Variants in COTL1 observed in about 807,000 individuals in gnomAD.
COTL1 encodes coactosin like F-actin binding protein 1.
A neutral mutation model predicts 16.5 loss-of-function variants in COTL1; 15 were observed. The ratio of observed to expected loss-of-function variants is 0.91; its 90% confidence interval spans 0.61 to 1.40. The LOEUF (loss-of-function observed/expected upper bound fraction) is 1.40. Among genes scored for constraint, COTL1 ranks in the 40% most tolerant of loss-of-function variants. The pLI is 0.00. For missense variants in COTL1, 220 were observed against 201.5 expected, an observed-to-expected ratio of 1.09 and a Z score of -0.56; for synonymous variants, 112 against 85.3, an observed-to-expected ratio of 1.31 and a Z score of -1.73.
intron 2 of COTL1, among the ~76,000 whole-genome samples, chr16:84,592,338 G>A (rs761066336): frequency 2.6e-5 from 4 of 152,154 alleles, no homozygotes; most frequent in Non-Finnish European, 5.9e-5. Flanking sequence ...ACATAGGGAT[G>A]CCACTGGTTT....
At chr16:84,615,540 C>T (rs921444453) in intron 2 of COTL1, among the ~76,000 whole-genome samples, 3 of 152,184 alleles carry the variant, frequency 2.0e-5, no homozygotes, top group African/African-American at 7.2e-5. Context: ...GGATGGGTGA[C>T]CAGCGGGAGG....
In COTL1 at chr16:84,590,439, G is replaced by A; in HGVS notation, c.161-177C>T. 1.7e-6 allele frequency: 1 copy of A among 591,002 alleles called. No individual in the cohort carries two copies. Among genetic ancestry groups the A allele is most frequent in the Non-Finnish European group, 2.9e-6 (1 of 349,476 alleles). 36.6% of individuals were successfully genotyped at this position (591,002 alleles called of 1,614,324 possible). A position where few individuals can be genotyped will look rare whatever the true frequency, so the allele number is the denominator to read the frequency against. On this transcript the variant is annotated intron_variant, in intron 2 of 3. Coordinates refer to ENST00000262428, the MANE Select transcript of COTL1 (RefSeq NM_021149.5). The surrounding 1 kb of genome is among the most constrained non-coding windows in gnomAD (Gnocchi z 5.5). ...AGGGAAGCACTCATCCGCTGCCCTT[G>A]TCACACTCCCCTGAATCCTGGCAAC...
At chr16:84,579,689 A>G (rs912334644) in intron 3 of COTL1, among the ~76,000 whole-genome samples, 1 of 152,208 alleles carries the variant, frequency 6.6e-6, no homozygotes, top group Non-Finnish European at 1.5e-5. Flanking sequence ...GACTTAGAAT[A>G]AAACCACCAC....
rs1451202303 is a variant in COTL1, at chr16:84,565,725, A to AT, written c.*1119dup. ...AGCAAGGAAAAACAGAAAAAGAGCT[A>AT]TATCAAATGTGCTCATGAAGAACCA... On this transcript the variant is annotated 3_prime_UTR_variant, in exon 4 of 4. Transcript: ENST00000262428. 1 of 152,654 alleles carries AT rather than the reference A, an allele frequency of 6.6e-6. No individual in the cohort carries two copies. 9.5% of individuals were successfully genotyped at this position (152,654 alleles called of 1,614,324 possible).
chr16:84,604,367 G>A (rs949831381), intron 2 of COTL1, among the ~76,000 whole-genome samples: 3 of 124,268 alleles, frequency 2.4e-5, no homozygotes, highest in Admixed American at 9.0e-5. Flanking sequence ...CTGTCCTCCT[G>A]CCCACCCAGG....
At chr16:84,573,728 G>A (rs542449026) in intron 3 of COTL1, among the ~76,000 whole-genome samples, 1 of 122,698 alleles carries the variant, frequency 8.2e-6, no homozygotes, top group Non-Finnish European at 1.8e-5. Context: ...TGACAAGAGC[G>A]AAACTCTGTC....
chr16:84,585,796 G>A (rs1159661065), intron 3 of COTL1, among the ~76,000 whole-genome samples: 1 of 152,202 alleles, frequency 6.6e-6, no homozygotes, highest in Non-Finnish European at 1.5e-5. Context: ...GTAAGGTCTT[G>A]TAGCAGCTTC....
chr16:84,579,548 A>G (rs1180760619), intron 3 of COTL1, among the ~76,000 whole-genome samples: 2 of 152,220 alleles, frequency 1.3e-5, no homozygotes, highest in East Asian at 3.8e-4. Flanking sequence ...GACACAGGCT[A>G]TATCTCTGCT....
chr16:84,595,822 T>C (rs1904989986), intron 2 of COTL1: 2 of 152,212 alleles, frequency 1.3e-5, no homozygotes, highest in East Asian at 3.8e-4. Context: ...TGTGTGTATA[T>C]ACATACATTT....
intron 2 of COTL1, 115 bp downstream of exon 2, chr16:84,617,386 C>G (rs1905517563): frequency 1.1e-6 from 1 of 924,634 alleles, no homozygotes; most frequent in Non-Finnish European, 1.7e-6. Context: ...ACGCCATGCG[C>G]CAGGGGCACC....
intron 1 of COTL1, 82 bp downstream of exon 1, chr16:84,617,756 T>C: frequency 1.4e-6 from 2 of 1,444,560 alleles, no homozygotes; most frequent in Non-Finnish European, 1.9e-6. Context: ...CCCGAATCCG[T>C]CCCGCCTGGA....
At chr16:84,573,740 C>CA (rs72401655) in intron 3 of COTL1, among the ~76,000 whole-genome samples, 59 of 104,168 alleles carry the variant, frequency 5.7e-4, no homozygotes, top group African/African-American at 1.8e-3. Flanking sequence ...AACTCTGTCT[C>CA]AAAAAAAAAA....
chr16:84,603,670 G>C (rs890889533), intron 2 of COTL1, among the ~76,000 whole-genome samples: 1 of 152,118 alleles, frequency 6.6e-6, no homozygotes. Flanking sequence ...GGAGGCAGTG[G>C]GGGAGCCGGG....
At chr16:84,586,015 T>C (rs1328239207) in intron 3 of COTL1, among the ~76,000 whole-genome samples, 1 of 152,028 alleles carries the variant, frequency 6.6e-6, no homozygotes, top group Non-Finnish European at 1.5e-5. Context: ...CCCAAAGGCG[T>C]GTGCACGTGA....
chr16:84,608,747 G>C (rs1025087452), intron 2 of COTL1, among the ~76,000 whole-genome samples: 2 of 152,060 alleles, frequency 1.3e-5, no homozygotes, highest in African/African-American at 4.8e-5. Context: ...CTCTACAAAA[G>C]ATACAAAAAT....
intron 3 of COTL1, among the ~76,000 whole-genome samples, chr16:84,572,194 C>G (rs894610482): frequency 6.6e-6 from 1 of 152,250 alleles, no homozygotes; most frequent in South Asian, 2.1e-4. Flanking sequence ...CAGACAGACT[C>G]TGACTTGGGA....
At chr16:84,595,736 A>G (rs1288291290) in intron 2 of COTL1, 1 of 152,144 alleles carries the variant, frequency 6.6e-6, no homozygotes, top group Non-Finnish European at 1.5e-5. Flanking sequence ...GTGTGCGTAT[A>G]TATTTGTGTA....
At chr16:84,582,888 G>A (rs955579756) in intron 3 of COTL1, among the ~76,000 whole-genome samples, 1 of 152,106 alleles carries the variant, frequency 6.6e-6, no homozygotes, top group Non-Finnish European at 1.5e-5. Context: ...TCCCCTACAC[G>A]CCGTAACTTT....
intron 2 of COTL1, among the ~76,000 whole-genome samples, chr16:84,604,458 G>T (rs1046387751): frequency 6.6e-6 from 1 of 151,650 alleles, no homozygotes; most frequent in African/African-American, 2.4e-5. Context: ...TGTGAAAGTG[G>T]ACATTTCAGT....
Sources: gnomAD v4.1 joint callset for allele counts (sites outside exome capture counted in the v4.1 genomes callset) on GRCh38, gnomAD v4.1.1 for gene constraint, Gnocchi (gnomAD v3.1) non-coding constraint, MANE v1.5 for transcripts, NCBI Gene and HGNC (gene_info 2026-07-23, HGNC 2026-07-21) for gene names.